Variants in DNAH2 observed in about 807,000 individuals in gnomAD.
The protein encoded by DNAH2 is axonemal beta dynein heavy chain 2.
Under a neutral mutation model 523.5 loss-of-function variants are expected in DNAH2, and 323 were observed. The observed-to-expected ratio is 0.62, with a 90% confidence interval of 0.56 to 0.68. DNAH2 has a LOEUF of 0.68. DNAH2 is among the 30% of genes least tolerant of loss of function. DNAH2 has a pLI of 0.00. For missense variants in DNAH2, 4,907 were observed against 5,701.5 expected (o/e 0.86, Z 4.49); for synonymous variants, 2,093 against 2,177.4 (o/e 0.96, Z 1.08).
rs547229417 is a variant in DNAH2 at position 7,808,169 on chromosome 17, A to C, written c.9729+583A>C. On this transcript the variant is annotated intron_variant, in intron 63 of 85. Transcript: ENST00000572933. ...GTGGACCACCTGAGGTCATGAGTTC[A>C]AGACTAGCCTGGCCAACATGGTGAA... Among the ~76,000 whole-genome samples the C allele has an allele frequency of 1.9e-3, 285 of 152,210 alleles. 1 individual carries two copies. The highest frequency in any genetic ancestry group is 2.7e-3 in the Non-Finnish European group (181 of 68,000).
intron 2 of DNAH2, among the ~76,000 whole-genome samples, chr17:7,722,757 A>G (rs1023452912): frequency 5.9e-5 from 9 of 152,168 alleles, no homozygotes; most frequent in Admixed American, 3.9e-4. Context: ...CTGCATGTTT[A>G]TATCACCTTT....
At chr17:7,812,767 C>CAAAAAAAAAAA (rs59534940) in intron 63 of DNAH2, among the ~76,000 whole-genome samples, 1 of 23,820 alleles carries the variant, frequency 4.2e-5, no homozygotes, top group Non-Finnish European at 7.0e-5. Flanking sequence ...CTAAAAATAC[C>CAAAAAAAAAAA]AAAAAAAAAA....
In DNAH2 at chr17:7,831,116, C is replaced by T. The variant is rs571455460; in HGVS notation, c.12261C>T (p.Pro4087=). 2.5e-6 allele frequency: 4 copies of T among 1,613,862 alleles called. No homozygotes were observed. Among genetic ancestry groups the T allele is most frequent in the Non-Finnish European group, 3.4e-6 (4 of 1,180,004 alleles). The change falls in exon 80 of 86, where the codon CCC becomes CCT. Residue 4087 remains proline, a synonymous_variant. Transcript: ENST00000572933. The surrounding 1 kb of genome is among the most constrained non-coding windows in gnomAD (Gnocchi z 4.2). Reference sequence around the variant, plus strand: ...CAGCACTGGAGACTTATTTCATCCCCAAGGATGGCAGCCTCGCTTCTTACA... The same window carrying T: ...CAGCACTGGAGACTTATTTCATCCCTAAGGATGGCAGCCTCGCTTCTTACA... The part of the protein sequence containing the change: ...RLSALETYFI[P]KDGSLASYKE...
Position 7,819,052 on chromosome 17 carries a change from T to C in DNAH2, c.10804T>C (p.Leu3602=). 3 of 1,605,550 alleles carry C rather than the reference T, an allele frequency of 1.9e-6. No individual in the cohort carries two copies. The highest frequency in any genetic ancestry group is 2.5e-6 in the Non-Finnish European group (3 of 1,179,102). Reference sequence around the variant, plus strand: ...TGAGACCACAGAGATCAACACTGACTTGGCGCGGGAGGTAAGCTCCCGGCC... The same window carrying C: ...TGAGACCACAGAGATCAACACTGACCTGGCGCGGGAGGTAAGCTCCCGGCC... ...TSETTEINTD[L]AREAYRPCAQ... is the part of the protein sequence containing the mutation. Residue 3602 remains leucine, a synonymous_variant, in exon 71 of 86, where the codon TTG becomes CTG. Transcript: ENST00000572933.
At chr17:7,812,929 T>A (rs2077559508) in intron 63 of DNAH2, among the ~76,000 whole-genome samples, 1 of 148,396 alleles carries the variant, frequency 6.7e-6, no homozygotes, top group Admixed American at 6.7e-5. Context: ...CCAGCCTGAG[T>A]GACAAGAGTG....
chr17:7,784,607 G>C (rs979160410), intron 39 of DNAH2, among the ~76,000 whole-genome samples: 1 of 152,152 alleles, frequency 6.6e-6, no homozygotes, highest in African/African-American at 2.4e-5. Flanking sequence ...ATAGAAAATT[G>C]TTGGACCATG....
Position 7,833,564 on chromosome 17 carries a change from G to T in DNAH2, c.*31G>T. 1 of 1,610,408 alleles carries T rather than the reference G, an allele frequency of 6.2e-7. No homozygotes were observed. The highest frequency in any genetic ancestry group is 8.5e-7 in the Non-Finnish European group (1 of 1,179,732). ...CCTCCTCTTCTCCGCTTGAGAGAGA[G>T]GGTCAGGGACTCCAGGAGCTAAGAC... On this transcript the variant is annotated 3_prime_UTR_variant, in exon 86 of 86. Transcript: ENST00000572933.
chr17:7,739,984 A>G (rs993850973), intron 9 of DNAH2, 46 bp downstream of exon 9: 4 of 1,581,700 alleles, frequency 2.5e-6, no homozygotes, highest in Non-Finnish European at 3.4e-6. Context: ...GGGAAGGCAG[A>G]TCAGGCAGCC....
chr17:7,832,336 CG>C lies in DNAH2; in HGVS notation c.12727-242del, dbSNP rs2078201453. Among the ~76,000 whole-genome samples the C allele has an allele frequency of 6.6e-6, 1 of 151,926 alleles. No homozygotes were observed. The highest frequency in any genetic ancestry group is 2.1e-4 in the South Asian group (1 of 4,806). On this transcript the variant is annotated intron_variant, in intron 82 of 85. Coordinates refer to ENST00000572933, the MANE Select transcript of DNAH2 (RefSeq NM_020877.5). The surrounding 1 kb of genome is among the most constrained non-coding windows in gnomAD (Gnocchi z 4.3). ...CAGCCTGGTCAACATGGTGAAACCCCGTCTCTACTAAAAAAATACAAAAATT... is the reference window on the plus strand; with the variant it reads ...CAGCCTGGTCAACATGGTGAAACCCCTCTCTACTAAAAAAATACAAAAATT...
At chr17:7,765,785 C>CT (rs1243951478) in intron 21 of DNAH2, among the ~76,000 whole-genome samples, 65 of 145,898 alleles carry the variant, frequency 4.5e-4, no homozygotes, top group South Asian at 6.5e-4. Flanking sequence ...TTTCTTTTTT[C>CT]TTTTTTTTTT....
At chr17:7,738,927 G>T in intron 8 of DNAH2, 1 of 701,702 alleles carries the variant, frequency 1.4e-6, no homozygotes, top group Non-Finnish European at 2.6e-6. Context: ...CCTGACACAG[G>T]TTCTCCAGTC....
chr17:7,815,764 A>T (rs1004977178), intron 63 of DNAH2, among the ~76,000 whole-genome samples: 2 of 152,058 alleles, frequency 1.3e-5, no homozygotes, highest in Non-Finnish European at 1.5e-5. Flanking sequence ...TCACACACAC[A>T]TATACAGGAT....
intron 12 of DNAH2, among the ~76,000 whole-genome samples, chr17:7,755,329 GACCTTCTCCA>G (rs2075806691): frequency 4.6e-4 from 1 of 2,172 alleles, no homozygotes; most frequent in Non-Finnish European, 0.029. Context: ...GTGGTCATGT[GACCTTCTCCA>G]GCCTTTCCCA....
At chr17:7,719,365 G>T (rs1408642990) in intron 1 of DNAH2, among the ~76,000 whole-genome samples, 3 of 152,098 alleles carry the variant, frequency 2.0e-5, no homozygotes, top group African/African-American at 7.2e-5. Context: ...CTGACCTCAG[G>T]TGATCCACCC....
rs1209932487 is a variant in DNAH2 at position 7,740,545 on chromosome 17, G to A, written c.1502G>A (p.Arg501His). The change falls in exon 10 of 86, where the codon CGC (arginine) becomes CAC (histidine). Residue 501 changes from arginine to histidine, a missense_variant. By Grantham distance (29) the Arg-to-His change is conservative (BLOSUM62 0). Around this residue, in one of 3 missense-constraint regions of DNAH2, gnomAD observed 2,806 missense variants for 3,190.8 expected, o/e 0.88. Transcript: ENST00000572933. ...LLDTFHRLAS[R>H]EAIKRTYDKK... ...GACACCTTCCACAGGCTTGCCTCCC[G>A]CGAGGTGCGGCTGCCCCGCGGCTTC... 6.2e-7 allele frequency: 1 copy of A among 1,613,194 alleles called. No individual in the cohort carries two copies.
At chr17:7,741,307 C>T (rs765519837) in intron 11 of DNAH2, among the ~76,000 whole-genome samples, 1,265 of 31,696 alleles carry the variant, frequency 0.04, 75 homozygotes, top group African/African-American at 0.047. Context: ...CCTTCCTTCC[C>T]TCCCTCCCTC....
Position 7,817,674 on chromosome 17 carries a change from C to G in DNAH2, c.10134C>G (p.Ser3378=), listed in dbSNP as rs1246646296. 6.2e-7 allele frequency: 1 copy of G among 1,614,026 alleles called. No individual in the cohort carries two copies. Among genetic ancestry groups the G allele is most frequent in the Non-Finnish European group, 8.5e-7 (1 of 1,180,020 alleles). Residue 3378 remains serine, a synonymous_variant, in exon 66 of 86, where the codon TCC becomes TCG. Coordinates refer to ENST00000572933, the MANE Select transcript of DNAH2 (RefSeq NM_020877.5). ...AAGGGTTGCCCTCAGACGCCTTCTCCACTGAGAATGGCATCATCGTCACCC... is the reference window on the plus strand; with the variant it reads ...AAGGGTTGCCCTCAGACGCCTTCTCGACTGAGAATGGCATCATCGTCACCC... ...NIQGLPSDAF[S]TENGIIVTRG... is the part of the protein sequence containing the mutation.
chr17:7,772,501 T>C (rs1303200264), intron 28 of DNAH2, among the ~76,000 whole-genome samples: 1 of 152,200 alleles, frequency 6.6e-6, no homozygotes, highest in Non-Finnish European at 1.5e-5. Flanking sequence ...TGAGCATGCC[T>C]GTGATCTCCA....
rs376202191 is a variant in DNAH2, at chr17:7,770,428, T to C, written c.4098+20T>C. 3.0e-4 allele frequency: 480 copies of C among 1,611,310 alleles called. No homozygotes were observed. Among genetic ancestry groups the C allele is most frequent in the Non-Finnish European group, 4.0e-4 (471 of 1,178,552 alleles). On this transcript the variant is annotated intron_variant, in intron 25 of 85. Coordinates refer to ENST00000572933, the MANE Select transcript of DNAH2 (RefSeq NM_020877.5). ...GAAGTGGTACGACAGTCCCCTCCCA[T>C]GCTCCCACACCTCCTGCGCCTCCTG...
Sources: gnomAD v4.1 joint callset for allele counts (sites outside exome capture counted in the v4.1 genomes callset) on GRCh38, gnomAD v4.1.1 for gene constraint, gnomAD v4.1.1 regional missense constraint, Gnocchi (gnomAD v3.1) non-coding constraint, MANE v1.5 for transcripts, NCBI Gene and HGNC (gene_info 2026-07-23, HGNC 2026-07-21) for gene names.